PPP4R1: variants seen among roughly 807,000 people sequenced by gnomAD.
PPP4R1 encodes the protein protein phosphatase 4 regulatory subunit 1, also known as serine/threonine-protein phosphatase 4 regulatory subunit 1.
In PPP4R1, 42 loss-of-function variants were observed where a neutral mutation model predicts 111.2. The observed-to-expected ratio is 0.38, with a 90% CI of 0.29 to 0.49. PPP4R1 has a LOEUF of 0.49. PPP4R1 is among the 20% of genes least tolerant of loss of function. The probability of loss-of-function intolerance (pLI) is 0.97; values close to 1 mark genes in which losing one functional copy is unlikely to be tolerated. For synonymous variants in PPP4R1, 409 were observed against 405.5 expected (o/e 1.01, Z -0.10); for missense variants, 1,012 against 1,161.6 (o/e 0.87, Z 1.87).
intron 19 of PPP4R1, among the ~76,000 whole-genome samples, chr18:9,548,400 G>A (rs915821888): frequency 1.2e-4 from 15 of 130,212 alleles, no homozygotes; most frequent in South Asian, 2.6e-4. Context: ...TGTTTTGGGC[G>A]GCAGGCGGCG....
In PPP4R1 at chr18:9,547,961, G is replaced by T; in HGVS notation, c.2690-9C>A. On this transcript the variant is annotated splice_polypyrimidine_tract_variant and intron_variant, in intron 19 of 19. Transcript: ENST00000400556. ...AGAGGCCAAGAAATAGTCTGGAAATGACATGTGCATAGGACAGATGAAACC... is the reference window on the plus strand; with the variant it reads ...AGAGGCCAAGAAATAGTCTGGAAATTACATGTGCATAGGACAGATGAAACC... The T allele has an allele frequency of 1.2e-6, 2 of 1,613,532 alleles. No individual in the cohort carries two copies. Among genetic ancestry groups the T allele is most frequent in the Non-Finnish European group, 1.7e-6 (2 of 1,179,934 alleles).
intron 2 of PPP4R1, among the ~76,000 whole-genome samples, chr18:9,602,338 T>C (rs960850459): frequency 7.7e-6 from 1 of 129,776 alleles, no homozygotes; most frequent in Non-Finnish European, 1.6e-5. Context: ...GAGACCATCC[T>C]GGTTAACATG....
intron 2 of PPP4R1, among the ~76,000 whole-genome samples, chr18:9,597,829 C>A (rs1228547538): frequency 2.0e-5 from 3 of 151,966 alleles, no homozygotes; most frequent in Non-Finnish European, 2.9e-5. Context: ...ACACAAAAGG[C>A]AGGAAAATAC....
intron 14 of PPP4R1, among the ~76,000 whole-genome samples, chr18:9,558,596 T>G (rs1193116592): frequency 6.6e-6 from 1 of 152,030 alleles, no homozygotes; most frequent in Non-Finnish European, 1.5e-5. Context: ...ACTTCCAACT[T>G]ATAACTTGCT....
intron 4 of PPP4R1, among the ~76,000 whole-genome samples, chr18:9,591,315 C>T (rs559124397): frequency 1.3e-5 from 2 of 151,596 alleles, no homozygotes; most frequent in Admixed American, 6.6e-5. Flanking sequence ...CCACCACACT[C>T]CAGCCTGGGT....
At chr18:9,593,728 C>G in intron 4 of PPP4R1, 40 bp downstream of exon 4, 2 of 1,540,454 alleles carry the variant, frequency 1.3e-6, no homozygotes, top group Non-Finnish European at 1.8e-6. Flanking sequence ...ATCAAAGAAG[C>G]CTTTCTAGAA....
intron 4 of PPP4R1, among the ~76,000 whole-genome samples, 192 bp downstream of exon 4, chr18:9,593,576 G>A (rs899870832): frequency 6.6e-6 from 1 of 152,116 alleles, no homozygotes; most frequent in African/African-American, 2.4e-5. Context: ...TAAACTAAAT[G>A]AGCCCACTGT....
At chr18:9,588,647 C>T (rs779423366) in intron 5 of PPP4R1, 64 bp downstream of exon 5, 12 of 1,410,174 alleles carry the variant, frequency 8.5e-6, no homozygotes, top group South Asian at 1.4e-5. Flanking sequence ...CACTTAGGCT[C>T]GGCTATTCTC....
chr18:9,549,877 G>C, intron 18 of PPP4R1, 175 bp downstream of exon 18: 2 of 926,194 alleles, frequency 2.2e-6, no homozygotes, highest in Non-Finnish European at 1.6e-6. Flanking sequence ...CTAGCTGGGA[G>C]AGAGGGGCCA....
intron 2 of PPP4R1, among the ~76,000 whole-genome samples, chr18:9,597,428 T>C (rs897683907): frequency 1.3e-5 from 2 of 152,124 alleles, no homozygotes; most frequent in Non-Finnish European, 2.9e-5. Flanking sequence ...GAAAGAACTT[T>C]AGAAAGCTGC....
At chr18:9,567,915 C>T (rs1196095864) in intron 11 of PPP4R1, among the ~76,000 whole-genome samples, 1 of 152,212 alleles carries the variant, frequency 6.6e-6, no homozygotes, top group Non-Finnish European at 1.5e-5. Context: ...GAGACTACAA[C>T]TTGTGTAAAG....
At chr18:9,583,885 T>A (rs1365416695) in intron 8 of PPP4R1, among the ~76,000 whole-genome samples, 1 of 152,046 alleles carries the variant, frequency 6.6e-6, no homozygotes. Context: ...GACAGAAATG[T>A]ATTATTTCAC....
chr18:9,596,478 A>G (rs2067292103), intron 2 of PPP4R1, among the ~76,000 whole-genome samples: 1 of 152,244 alleles, frequency 6.6e-6, no homozygotes, highest in Non-Finnish European at 1.5e-5. Context: ...TATTGGCTCC[A>G]TGAGGACAGA....
chr18:9,599,169 T>C (rs2067338914), intron 2 of PPP4R1, among the ~76,000 whole-genome samples: 2 of 152,162 alleles, frequency 1.3e-5, no homozygotes, highest in South Asian at 4.1e-4. Context: ...GTTCACAACA[T>C]ATGTAGAAGT....
At chr18:9,582,657 C>T (rs2067048846) in intron 9 of PPP4R1, among the ~76,000 whole-genome samples, 1 of 152,146 alleles carries the variant, frequency 6.6e-6, no homozygotes, top group Admixed American at 6.5e-5. Flanking sequence ...GAGGAGGGAA[C>T]ATTTCCTAAC....
At chr18:9,616,520 G>A (rs1568137960), upstream of PPP4R1, among the ~76,000 whole-genome samples, 1 of 152,080 alleles carries the variant, frequency 6.6e-6, no homozygotes, top group Non-Finnish European at 1.5e-5. Flanking sequence ...GCAATCCTCT[G>A]GCCTTGGTCT....
rs547493874 is a variant in PPP4R1 at position 9,546,911 on chromosome 18, T to C, written c.*878A>G. On this transcript the variant is annotated 3_prime_UTR_variant, in exon 20 of 20. Transcript: ENST00000400556. ...AATCAAAAGTGTATATATCTCTCTC[T>C]ATAGATCTTATTAATAAATTTTATT... The C allele has an allele frequency of 1.3e-5, 2 of 152,324 alleles. No homozygotes were observed. The highest frequency in any genetic ancestry group is 6.5e-5 in the Admixed American group (1 of 15,294). 9.4% of individuals were successfully genotyped at this position (152,324 alleles called of 1,614,324 possible).
At chr18:9,571,840 C>T (rs1043760321) in intron 10 of PPP4R1, among the ~76,000 whole-genome samples, 11 of 152,154 alleles carry the variant, frequency 7.2e-5, no homozygotes, top group African/African-American at 1.7e-4. Flanking sequence ...AGCAGACCTC[C>T]GGAGTTCATC....
At chr18:9,603,674 G>A (rs2067430963) in intron 2 of PPP4R1, among the ~76,000 whole-genome samples, 1 of 152,050 alleles carries the variant, frequency 6.6e-6, no homozygotes, top group African/African-American at 2.4e-5. Context: ...TTTTTGTAGA[G>A]CTGCTGGTCT....
Sources: gnomAD v4.1 joint callset for allele counts (sites outside exome capture counted in the v4.1 genomes callset) on GRCh38, gnomAD v4.1.1 for gene constraint, MANE v1.5 for transcripts, NCBI Gene and HGNC (gene_info 2026-07-23, HGNC 2026-07-21) for gene names.